Variants in RHBDD1 observed in about 807,000 individuals in gnomAD.
RHBDD1 encodes the protein rhomboid domain containing 1, also known as rhomboid-related protein 4.
In RHBDD1, 38 loss-of-function variants were observed where a neutral mutation model predicts 36.3. That is an observed-to-expected ratio of 1.05 (90% CI 0.81 to 1.37). The LOEUF (loss-of-function observed/expected upper bound fraction) is 1.37, where lower values mean the gene tolerates loss of function less well. Ranked by LOEUF, RHBDD1 falls within the 40% of genes most tolerant of loss-of-function variation. The pLI is 0.00. For synonymous variants in RHBDD1, 151 were observed against 136.5 expected (o/e 1.11, Z -0.74); for missense variants, 393 against 377.6 (o/e 1.04, Z -0.34).
chr2:226,973,394 A>G (rs887846972), intron 8 of RHBDD1, among the ~76,000 whole-genome samples: 1 of 152,196 alleles, frequency 6.6e-6, no homozygotes, highest in Non-Finnish European at 1.5e-5. Context: ...GTCTGGGCTC[A>G]TTATCTGGGA....
rs947969942 is a variant in RHBDD1 at position 226,872,935 on chromosome 2, A to G, written c.566+5617A>G. 2.6e-5 allele frequency among the ~76,000 whole-genome samples: 4 copies of G among 152,232 alleles called. No individual in the cohort carries two copies. The East Asian group carries it at 5.8e-4, about 22-fold the overall frequency. On this transcript the variant is annotated intron_variant, in intron 5 of 8. Transcript: ENST00000392062. ...TTATAATTGCATATACTGCATTATC[A>G]TATATGTTCCTGATGTGGGAGAGCC...
At position 226,998,345 on chromosome 2, in the gene RHBDD1, G is replaced by A. The variant is rs941371936; in HGVS notation, c.*2823G>A. 2.6e-5 allele frequency: 4 copies of A among 152,164 alleles called. No homozygotes were observed. Among genetic ancestry groups the A allele is most frequent in the African/African-American group, 4.8e-5 (2 of 41,422 alleles). 9.4% of individuals were successfully genotyped at this position (152,164 alleles called of 1,614,324 possible). A position where few individuals can be genotyped will look rare whatever the true frequency, so the allele number is the denominator to read the frequency against. On this transcript the variant is annotated 3_prime_UTR_variant, in exon 9 of 9. Coordinates refer to ENST00000392062, the MANE Select transcript of RHBDD1 (RefSeq NM_001167608.3). ...TTTGGCACATGTTCTGCTGCCTGGG[G>A]AGTAAGCAAGCTAAAGGGATGAGAA...
At chr2:226,882,473 A>G (rs924205533) in intron 5 of RHBDD1, among the ~76,000 whole-genome samples, 5 of 151,020 alleles carry the variant, frequency 3.3e-5, no homozygotes, top group Non-Finnish European at 7.4e-5. Flanking sequence ...AGAAGAAGAA[A>G]AAGAAATGAT....
intron 8 of RHBDD1, among the ~76,000 whole-genome samples, chr2:226,955,376 C>T (rs1180404389): frequency 6.6e-6 from 1 of 152,220 alleles, no homozygotes; most frequent in African/African-American, 2.4e-5. Flanking sequence ...GCAGGTTAAG[C>T]ACTCTCACCT....
intron 8 of RHBDD1, among the ~76,000 whole-genome samples, chr2:226,915,362 A>G (rs1948826766): frequency 1.3e-5 from 2 of 152,172 alleles, no homozygotes; most frequent in African/African-American, 4.8e-5. Flanking sequence ...TTGAATGGAC[A>G]ATAAGAGAAG....
At chr2:226,902,176 A>G (rs1418065731) in intron 5 of RHBDD1, among the ~76,000 whole-genome samples, 1 of 152,242 alleles carries the variant, frequency 6.6e-6, no homozygotes, top group Non-Finnish European at 1.5e-5. Context: ...CGTGGAGCTA[A>G]GAACAGAATG....
intron 8 of RHBDD1, among the ~76,000 whole-genome samples, chr2:226,993,594 G>A (rs1323697676): frequency 6.6e-6 from 1 of 152,142 alleles, no homozygotes; most frequent in East Asian, 1.9e-4. Flanking sequence ...TGGCAAAAAC[G>A]TTTTTTGGGG....
At chr2:226,889,372 T>A (rs1309643077) in intron 5 of RHBDD1, among the ~76,000 whole-genome samples, 1 of 152,228 alleles carries the variant, frequency 6.6e-6, no homozygotes, top group Non-Finnish European at 1.5e-5. Context: ...CAGGGTTTTA[T>A]ACATTTTCAC....
At chr2:226,859,532 G>C (rs1391586715) in intron 3 of RHBDD1, among the ~76,000 whole-genome samples, 3 of 152,206 alleles carry the variant, frequency 2.0e-5, no homozygotes, top group Non-Finnish European at 4.4e-5. Flanking sequence ...AGGGATGAGT[G>C]CATTTACTAA....
At chr2:226,838,602 G>C (rs766098505) in intron 2 of RHBDD1, among the ~76,000 whole-genome samples, 1 of 152,146 alleles carries the variant, frequency 6.6e-6, no homozygotes, top group Admixed American at 6.5e-5. Context: ...CTCAGTAAAT[G>C]TTGTGTGTCG....
At chr2:226,867,711 A>T (rs1944456657) in intron 5 of RHBDD1, 1 of 900,016 alleles carries the variant, frequency 1.1e-6, no homozygotes. Flanking sequence ...AATGCTTTTT[A>T]TTATTATTAT....
intron 8 of RHBDD1, among the ~76,000 whole-genome samples, chr2:226,957,919 A>C (rs575236183): frequency 1.3e-5 from 2 of 152,302 alleles, no homozygotes; most frequent in Non-Finnish European, 2.9e-5. Flanking sequence ...GATAAAGAGA[A>C]ATTAGAACCC....
chr2:226,904,418 G>A (rs536040090), intron 5 of RHBDD1, among the ~76,000 whole-genome samples: 1 of 148,834 alleles, frequency 6.7e-6, no homozygotes, highest in South Asian at 2.2e-4. Context: ...TGCAAGCGGG[G>A]GGGGAGGGGG....
At chr2:226,941,395 C>A (rs2149160086) in intron 8 of RHBDD1, among the ~76,000 whole-genome samples, 1 of 152,328 alleles carries the variant, frequency 6.6e-6, no homozygotes. Flanking sequence ...CTGGCAGGGG[C>A]AAGTCCACCT....
the RHBDD1 span, chr2:226,800,309 A>T: frequency 6.6e-6 from 1 of 152,346 alleles, no homozygotes; most frequent in Non-Finnish European, 1.5e-5. Context: ...TCAGGGCGAT[A>T]GGCCATGGTG....
At chr2:226,958,293 A>G (rs1951918115) in intron 8 of RHBDD1, among the ~76,000 whole-genome samples, 1 of 152,234 alleles carries the variant, frequency 6.6e-6, no homozygotes, top group South Asian at 2.1e-4. Context: ...GCCACATTAT[A>G]TGATTCGATC....
chr2:226,997,543 G>T lies in RHBDD1; in HGVS notation c.*2021G>T, dbSNP rs1959734764. 1 of 152,112 alleles carries T rather than the reference G, an allele frequency of 6.6e-6. No homozygotes were observed. The highest frequency in any genetic ancestry group is 2.4e-5 in the African/African-American group (1 of 41,418). 9.4% of individuals were successfully genotyped at this position (152,112 alleles called of 1,614,324 possible). ...TTCCAACCCCAAAGGCTCACGATAG[G>T]GGCTCACTAAATGTCAGTGTTTCAC... On this transcript the variant is annotated 3_prime_UTR_variant, in exon 9 of 9. Coordinates refer to ENST00000392062, the MANE Select transcript of RHBDD1 (RefSeq NM_001167608.3).
the RHBDD1 span, among the ~76,000 whole-genome samples, chr2:226,803,257 G>C: frequency 6.6e-6 from 1 of 152,034 alleles, no homozygotes; most frequent in South Asian, 2.1e-4. Context: ...GCTTCTTACA[G>C]CTTTGATGGG....
At chr2:226,861,692 A>G (rs1393381639) in intron 3 of RHBDD1, among the ~76,000 whole-genome samples, 3 of 152,352 alleles carry the variant, frequency 2.0e-5, no homozygotes, top group South Asian at 2.1e-4. Flanking sequence ...AAAGGTAATA[A>G]TGTTTGATAT....
Sources: gnomAD v4.1 joint callset for allele counts (sites outside exome capture counted in the v4.1 genomes callset) on GRCh38, gnomAD v4.1.1 for gene constraint, MANE v1.5 for transcripts, NCBI Gene and HGNC (gene_info 2026-07-23, HGNC 2026-07-21) for gene names.